The following ATP10B variants were observed in gnomAD, a reference collection of about 807,000 sequenced individuals.
The protein encoded by ATP10B is ATPase phospholipid transporting 10B (putative), also known as phospholipid-transporting ATPase VB.
A neutral mutation model predicts 141.2 loss-of-function variants in ATP10B; 122 were observed. The observed-to-expected ratio is 0.86, with a 90% confidence interval of 0.75 to 1.00. The LOEUF is 1.00. Among genes scored for constraint, ATP10B ranks in the 50% least tolerant of loss-of-function variants. The pLI, the probability that ATP10B is intolerant of heterozygous loss-of-function variation, is 0.00. For missense variants in ATP10B, 1,876 were observed against 1,825.3 expected, an observed-to-expected ratio of 1.03 and a Z score of -0.51; for synonymous variants, 685 against 692.0, an observed-to-expected ratio of 0.99 and a Z score of 0.16.
At chr5:160,758,615 T>C (rs1333494758) in intron 2 of ATP10B, among the ~76,000 whole-genome samples, 1 of 152,210 alleles carries the variant, frequency 6.6e-6, no homozygotes, top group Non-Finnish European at 1.5e-5. Flanking sequence ...CCAGTCTCTG[T>C]GATAAACAGA....
the ATP10B span, among the ~76,000 whole-genome samples, chr5:160,912,692 A>G: frequency 2.0e-5 from 3 of 151,746 alleles, no homozygotes; most frequent in Non-Finnish European, 4.4e-5. Flanking sequence ...AGGAGAAAAA[A>G]GAAAAAAGAA....
intron 1 of ATP10B, among the ~76,000 whole-genome samples, chr5:160,817,724 C>T (rs935856366): frequency 1.3e-5 from 2 of 152,160 alleles, no homozygotes; most frequent in Non-Finnish European, 2.9e-5. Context: ...AAGCTGGAGG[C>T]ATCACGCTAC....
intron 1 of ATP10B, among the ~76,000 whole-genome samples, chr5:160,791,035 T>C (rs1771530024): frequency 1.3e-5 from 2 of 152,068 alleles, no homozygotes; most frequent in African/African-American, 2.4e-5. Flanking sequence ...CTGGGCAGCA[T>C]CTAAAAGCTG....
intron 1 of ATP10B, among the ~76,000 whole-genome samples, chr5:160,793,739 A>G (rs11746270): frequency 0.015 from 2,287 of 152,322 alleles, 26 homozygotes; most frequent in Middle Eastern, 0.044. Context: ...TCACTGACTC[A>G]CCTGGAGCAA....
At chr5:160,573,600 A>T (rs1248283700) in intron 24 of ATP10B, among the ~76,000 whole-genome samples, 2 of 152,134 alleles carry the variant, frequency 1.3e-5, no homozygotes, top group Admixed American at 1.3e-4. Context: ...AGATTCTCAT[A>T]GGAGCACGAG....
chr5:160,774,501 T>C (rs1441202263), intron 2 of ATP10B, among the ~76,000 whole-genome samples: 1 of 152,178 alleles, frequency 6.6e-6, no homozygotes, highest in African/African-American at 2.4e-5. Context: ...TAAGGAGACA[T>C]CATATCTGCA....
intron 7 of ATP10B, among the ~76,000 whole-genome samples, chr5:160,655,352 C>T (rs866426502): frequency 4.6e-5 from 7 of 152,000 alleles, no homozygotes; most frequent in East Asian, 3.9e-4. Context: ...GTTCCACCCC[C>T]GCCAATCAGA....
intron 2 of ATP10B, among the ~76,000 whole-genome samples, chr5:160,722,357 T>C (rs1766052238): frequency 6.6e-6 from 1 of 152,200 alleles, no homozygotes; most frequent in South Asian, 2.1e-4. Context: ...GGGAAATTAT[T>C]ATTGAGGCTT....
At chr5:160,709,626 T>C (rs1449435961) in intron 3 of ATP10B, among the ~76,000 whole-genome samples, 19 of 146,362 alleles carry the variant, frequency 1.3e-4, no homozygotes, top group Non-Finnish European at 2.6e-4. Flanking sequence ...TTTTTTATTA[T>C]ACTCTAAGTT....
chr5:160,863,701 T>C, the ATP10B span, among the ~76,000 whole-genome samples: 129 of 152,046 alleles, frequency 8.5e-4, no homozygotes, highest in African/African-American at 3.1e-3. Context: ...GGTAGACCAT[T>C]AGCAGTATTA....
intron 6 of ATP10B, chr5:160,685,450 G>A (rs1297678094): frequency 1.3e-5 from 5 of 379,984 alleles, no homozygotes; most frequent in African/African-American, 8.3e-5. Flanking sequence ...GAATGTAGAC[G>A]TCACCTACAG....
At chr5:160,607,155 A>T in intron 18 of ATP10B, 69 bp from the exon 19 acceptor site, 1 of 1,335,396 alleles carries the variant, frequency 7.5e-7, no homozygotes, top group Middle Eastern at 1.9e-4. Flanking sequence ...ATTTCAGTTT[A>T]TTCTTTAGTA....
intron 25 of ATP10B, among the ~76,000 whole-genome samples, chr5:160,568,227 A>G (rs192038696): frequency 6.6e-6 from 1 of 152,152 alleles, no homozygotes; most frequent in Non-Finnish European, 1.5e-5. Context: ...TCTGGAATTC[A>G]TAAGAGAGGT....
the ATP10B span, among the ~76,000 whole-genome samples, chr5:160,865,092 C>T: frequency 6.6e-6 from 1 of 151,926 alleles, no homozygotes; most frequent in Non-Finnish European, 1.5e-5. Context: ...TCATATGGAA[C>T]CAAAAAAGAG....
At chr5:160,641,842 T>C (rs1391849110) in intron 9 of ATP10B, among the ~76,000 whole-genome samples, 1 of 152,224 alleles carries the variant, frequency 6.6e-6, no homozygotes, top group Non-Finnish European at 1.5e-5. Flanking sequence ...GGTTGTCTTG[T>C]GGATTTAAAG....
chr5:160,726,455 G>T (rs1012582401), intron 2 of ATP10B, among the ~76,000 whole-genome samples: 2 of 152,146 alleles, frequency 1.3e-5, no homozygotes, highest in Non-Finnish European at 2.9e-5. Flanking sequence ...GTTCATCCCA[G>T]CCCTAGACAG....
chr5:160,893,034 A>G, the ATP10B span, among the ~76,000 whole-genome samples: 1 of 152,032 alleles, frequency 6.6e-6, no homozygotes, highest in Admixed American at 6.5e-5. Context: ...TGCTTTTCCT[A>G]CAGTCTTCAC....
In ATP10B at chr5:160,573,941, A is replaced by G. The variant is rs1330552076; in HGVS notation, c.3751-4258T>C. 3.9e-5 allele frequency among the ~76,000 whole-genome samples: 6 copies of G among 152,318 alleles called. No individual in the cohort carries two copies. In the East Asian group the frequency reaches 9.6e-4, roughly 24 times the overall value. ...GTAACATTCCTGTACATGTCTCCAC[A>G]TATATGTGTGCAAGAGTGTTTCTGA... On this transcript the variant is annotated intron_variant, in intron 24 of 25. Coordinates refer to ENST00000327245, the MANE Select transcript of ATP10B (RefSeq NM_025153.3).
chr5:160,669,918 TA>T (rs776037475), intron 7 of ATP10B, among the ~76,000 whole-genome samples: 21 of 89,638 alleles, frequency 2.3e-4, no homozygotes, highest in Admixed American at 3.5e-4. Flanking sequence ...CCCAGTCTCT[TA>T]AAAAAAAAAA....
Sources: gnomAD v4.1 joint callset for allele counts (sites outside exome capture counted in the v4.1 genomes callset) on GRCh38, gnomAD v4.1.1 for gene constraint, MANE v1.5 for transcripts, NCBI Gene and HGNC (gene_info 2026-07-23, HGNC 2026-07-21) for gene names.